FERMT2: variants seen among roughly 807,000 people sequenced by gnomAD.
The protein encoded by FERMT2 is FERM domain containing kindlin 2.
A neutral mutation model predicts 82.7 loss-of-function variants in FERMT2; 15 were observed. That is an observed-to-expected ratio of 0.18 (90% confidence interval 0.12 to 0.28). The LOEUF (loss-of-function observed/expected upper bound fraction) is 0.28. Among genes scored for constraint, FERMT2 ranks in the 10% least tolerant of loss-of-function variants. FERMT2 has a pLI of 1.00. For missense variants in FERMT2, 645 were observed against 809.4 expected, an observed-to-expected ratio of 0.80 and a Z score of 2.46; for synonymous variants, 274 against 271.5, an observed-to-expected ratio of 1.01 and a Z score of -0.09.
chr14:52,950,906 G>A lies in FERMT2; in HGVS notation c.-10+15C>T, dbSNP rs1414326192. ...CCGCGCCCCCTCGGGTCCCGGCGGGGTCCCGCTCCCTCACCGCGCGCTCCT... is the reference window on the plus strand; with the variant it reads ...CCGCGCCCCCTCGGGTCCCGGCGGGATCCCGCTCCCTCACCGCGCGCTCCT... On this transcript the variant is annotated intron_variant, in intron 1 of 14. Transcript: ENST00000341590. 5.4e-6 allele frequency: 1 copy of A among 185,880 alleles called. No individual in the cohort carries two copies. Among genetic ancestry groups the A allele is most frequent in the Non-Finnish European group, 1.1e-5 (1 of 90,892 alleles). 11.5% of individuals were successfully genotyped at this position (185,880 alleles called of 1,614,324 possible).
At chr14:52,939,149 A>G in intron 2 of FERMT2, among the ~76,000 whole-genome samples, 1 of 147,854 alleles carries the variant, frequency 6.8e-6, no homozygotes, top group Non-Finnish European at 1.5e-5. Context: ...GAGGTTAGGA[A>G]TTCAAGACCA....
intron 6 of FERMT2, among the ~76,000 whole-genome samples, 190 bp from the exon 7 acceptor site, chr14:52,878,879 T>C (rs1213815612): frequency 6.6e-6 from 1 of 152,202 alleles, no homozygotes; most frequent in Non-Finnish European, 1.5e-5. Flanking sequence ...TGCCTATATA[T>C]GCCCACATCT....
At position 52,899,455 on chromosome 14, in the gene FERMT2, T is replaced by C. The variant is rs143077460; in HGVS notation, c.392-6028A>G. On this transcript the variant is annotated intron_variant, in intron 3 of 14. Coordinates refer to ENST00000341590, the MANE Select transcript of FERMT2 (RefSeq NM_006832.3). Reference sequence around the variant, plus strand: ...CCGCCACCACACCCAGCTAAGTTTTTGTATTTTTAGTAGAGACAGGGTTTC... The same window carrying C: ...CCGCCACCACACCCAGCTAAGTTTTCGTATTTTTAGTAGAGACAGGGTTTC... 5.1e-3 allele frequency among the ~76,000 whole-genome samples: 773 copies of C among 152,260 alleles called. 4 individuals carry two copies. The highest frequency in any genetic ancestry group is 0.01 in the Middle Eastern group (3 of 294).
intron 4 of FERMT2, among the ~76,000 whole-genome samples, chr14:52,887,645 C>A (rs528312694): frequency 6.6e-6 from 1 of 151,758 alleles, no homozygotes; most frequent in South Asian, 2.1e-4. Flanking sequence ...CTGGGCAACA[C>A]AGAGAGACCC....
At chr14:52,936,098 G>A (rs1487028707) in intron 2 of FERMT2, among the ~76,000 whole-genome samples, 1 of 152,162 alleles carries the variant, frequency 6.6e-6, no homozygotes, top group Non-Finnish European at 1.5e-5. Context: ...CAATGAAAAG[G>A]TCTGACAAAT....
chr14:52,870,248 CTTTTTTTT>C (rs1185198814), intron 10 of FERMT2, among the ~76,000 whole-genome samples: 1 of 138,832 alleles, frequency 7.2e-6, no homozygotes, highest in African/African-American at 2.6e-5. Flanking sequence ...TACAAGTGTA[CTTTTTTTT>C]TTTTTTTTTG....
chr14:52,858,496 C>G lies in FERMT2; in HGVS notation c.1924G>C (p.Asp642His), dbSNP rs1018928615. The G allele has an allele frequency of 1.9e-6, 3 of 1,614,140 alleles. No individual in the cohort carries two copies. The South Asian group carries it at 3.3e-5, about 18-fold the overall frequency. ...VRLSFICTEV[D>H]CKVVHEFIGG... ...ATGAATTCATGAACCACTTTGCAATCTACTTCAGTACAAATGAAGGACAAT... is the reference window on the plus strand; with the variant it reads ...ATGAATTCATGAACCACTTTGCAATGTACTTCAGTACAAATGAAGGACAAT... The change falls in exon 15 of 15, where the codon GAT becomes CAT. Residue 642 changes from aspartate to histidine, a missense_variant. Transcript: ENST00000341590.
At chr14:52,904,200 G>C (rs1887844319) in intron 3 of FERMT2, among the ~76,000 whole-genome samples, 1 of 152,120 alleles carries the variant, frequency 6.6e-6, no homozygotes, top group Admixed American at 6.6e-5. Flanking sequence ...GGCCAACATA[G>C]TGAAACCTCA....
At chr14:52,923,446 C>T (rs956939948) in intron 2 of FERMT2, among the ~76,000 whole-genome samples, 7 of 152,094 alleles carry the variant, frequency 4.6e-5, no homozygotes, top group African/African-American at 1.7e-4. Context: ...TTGCAGGCCC[C>T]TGTTGTAAGC....
At chr14:52,930,362 T>C (rs1374833313) in intron 2 of FERMT2, among the ~76,000 whole-genome samples, 1 of 152,166 alleles carries the variant, frequency 6.6e-6, no homozygotes, top group Non-Finnish European at 1.5e-5. Flanking sequence ...CATAGTTAGG[T>C]TCCAAATCAT....
chr14:52,859,106 C>G (rs1884744146), intron 14 of FERMT2: 1 of 156,866 alleles, frequency 6.4e-6, no homozygotes. Flanking sequence ...GTTTTTAAGC[C>G]TAAAGCATCT....
intron 2 of FERMT2, among the ~76,000 whole-genome samples, chr14:52,932,555 C>T (rs115135279): frequency 0.021 from 3,204 of 152,100 alleles, 75 homozygotes; most frequent in East Asian, 0.074. Context: ...ATTAAACAGA[C>T]TTTGAAACAA....
At chr14:52,871,102 G>T (rs946690814) in intron 10 of FERMT2, among the ~76,000 whole-genome samples, 2 of 152,198 alleles carry the variant, frequency 1.3e-5, no homozygotes, top group Admixed American at 1.3e-4. Context: ...GAAACCAGGA[G>T]ACTATGGCTG....
chr14:52,885,063 C>T (rs1434488564), intron 4 of FERMT2, among the ~76,000 whole-genome samples: 2 of 149,678 alleles, frequency 1.3e-5, no homozygotes, highest in African/African-American at 2.5e-5. Flanking sequence ...CTGTAATGCC[C>T]GCACTTTGAG....
At chr14:52,933,641 T>C (rs375514134) in intron 2 of FERMT2, among the ~76,000 whole-genome samples, 5 of 123,838 alleles carry the variant, frequency 4.0e-5, no homozygotes, top group Admixed American at 1.1e-4. Context: ...ACACTGGAGG[T>C]GGAGGTTGTG....
At chr14:52,875,117 TTAAA>T in intron 8 of FERMT2, 102 bp downstream of exon 8, 1 of 965,144 alleles carries the variant, frequency 1.0e-6, no homozygotes, top group Admixed American at 2.4e-5. Flanking sequence ...CTCTAAAGCA[TTAAA>T]TATTTCTCTC....
chr14:52,892,735 C>T (rs528188424), intron 4 of FERMT2, among the ~76,000 whole-genome samples: 199 of 152,164 alleles, frequency 1.3e-3, no homozygotes, highest in African/African-American at 4.3e-3. Context: ...GGATTACAGG[C>T]GTGAGCCACC....
Position 52,872,923 on chromosome 14 carries a change from C to T in FERMT2, c.1149G>A (p.Lys383=), listed in dbSNP as rs376801402. The T allele has an allele frequency of 3.2e-5, 52 of 1,612,942 alleles. 1 individual carries two copies. The highest frequency in any genetic ancestry group is 4.3e-5 in the Non-Finnish European group (51 of 1,179,506). ...PELADYIKVF[K]PKKLTLKGYK... ...AACCTTTCAGAGTCAGCTTTTTTGG[C>T]CTATGTATCAAAGAGAATTAACAAC... is the stretch of plus-strand genomic sequence containing the variant. The change falls in exon 10 of 15, where the codon AAG becomes AAA. Residue 383 remains lysine, a splice_region_variant and synonymous_variant. Transcript: ENST00000341590.
chr14:52,937,359 A>G (rs546928201), intron 2 of FERMT2, among the ~76,000 whole-genome samples: 3 of 152,136 alleles, frequency 2.0e-5, no homozygotes, highest in Non-Finnish European at 2.9e-5. Flanking sequence ...ACAGTTACCT[A>G]TGTCTTTCTT....
Sources: allele counts gnomAD v4.1 joint callset (sites outside exome capture counted in the v4.1 genomes callset), GRCh38; gene constraint gnomAD v4.1.1; transcripts MANE v1.5; gene names NCBI Gene and HGNC (gene_info 2026-07-23, HGNC 2026-07-21).